SIPA1L2: variants seen among roughly 807,000 people sequenced by gnomAD.
SIPA1L2 encodes the protein signal-induced proliferation-associated 1-like protein 2.
In SIPA1L2, 56 loss-of-function variants were observed where a neutral mutation model predicts 163.9. The observed-to-expected ratio is 0.34, with a 90% CI of 0.28 to 0.43. SIPA1L2 has a LOEUF of 0.43. Among genes scored for constraint, SIPA1L2 ranks in the 20% least tolerant of loss-of-function variants. The pLI is 1.00. For missense variants in SIPA1L2, 1,974 were observed against 2,193.5 expected (o/e 0.90, Z 2.00); for synonymous variants, 877 against 865.7 (o/e 1.01, Z -0.23).
At chr1:232,473,401 C>T (rs975938860) in intron 7 of SIPA1L2, among the ~76,000 whole-genome samples, 1 of 152,214 alleles carries the variant, frequency 6.6e-6, no homozygotes, top group Non-Finnish European at 1.5e-5. Flanking sequence ...GTGAGTTCAG[C>T]GCCTCCTACT....
At chr1:232,486,769 CAG>C (rs1665668231) in intron 5 of SIPA1L2, among the ~76,000 whole-genome samples, 1 of 152,160 alleles carries the variant, frequency 6.6e-6, no homozygotes, top group Non-Finnish European at 1.5e-5. Flanking sequence ...TCTCTCTCAC[CAG>C]AGTCTCTTTC....
At chr1:232,456,560 C>G (rs1663931801) in intron 10 of SIPA1L2, among the ~76,000 whole-genome samples, 1 of 152,172 alleles carries the variant, frequency 6.6e-6, no homozygotes, top group South Asian at 2.1e-4. Flanking sequence ...GACATATTTA[C>G]TAAATTCACT....
chr1:232,491,142 A>G, intron 4 of SIPA1L2, 80 bp from the exon 5 acceptor site: 1 of 1,301,524 alleles, frequency 7.7e-7, no homozygotes, highest in Non-Finnish European at 1.1e-6. Flanking sequence ...GGCTGCCTTA[A>G]GACAGGAAAA....
At chr1:232,461,191 C>A (rs1664218605) in intron 9 of SIPA1L2, 30 bp from the exon 10 acceptor site, 1 of 1,600,276 alleles carries the variant, frequency 6.2e-7, no homozygotes. Flanking sequence ...TTAGAGATGC[C>A]CTTCCTGCCC....
At chr1:232,611,269 G>A (rs1017727669) in intron 1 of SIPA1L2, among the ~76,000 whole-genome samples, 6 of 152,144 alleles carry the variant, frequency 3.9e-5, no homozygotes, top group Non-Finnish European at 8.8e-5. Context: ...TATCAGCAGC[G>A]TGAAAATGGA....
chr1:232,470,062 C>A (rs1664724805), intron 8 of SIPA1L2, among the ~76,000 whole-genome samples: 1 of 152,042 alleles, frequency 6.6e-6, no homozygotes, highest in Non-Finnish European at 1.5e-5. Context: ...TTTTCCCAAT[C>A]CAATTAGGAA....
intron 10 of SIPA1L2, among the ~76,000 whole-genome samples, chr1:232,452,102 C>A (rs1663618103): frequency 6.6e-6 from 1 of 150,832 alleles, no homozygotes; most frequent in Non-Finnish European, 1.5e-5. Flanking sequence ...CTGCTGTATT[C>A]TAAAAACAGT....
intron 4 of SIPA1L2, among the ~76,000 whole-genome samples, chr1:232,492,101 G>A (rs183111816): frequency 6.6e-6 from 1 of 152,180 alleles, no homozygotes; most frequent in Non-Finnish European, 1.5e-5. Flanking sequence ...CTTTAGGAGA[G>A]GGGCTTTATC....
At chr1:232,613,903 A>C (rs539467417) in intron 1 of SIPA1L2, among the ~76,000 whole-genome samples, 1 of 152,318 alleles carries the variant, frequency 6.6e-6, no homozygotes, top group African/African-American at 2.4e-5. Context: ...TTTGAAGCAG[A>C]GTCCAGCAAG....
intron 18 of SIPA1L2, among the ~76,000 whole-genome samples, chr1:232,423,860 C>T (rs114813837): frequency 0.013 from 1,950 of 152,236 alleles, 38 homozygotes; most frequent in African/African-American, 0.044. Flanking sequence ...ATGCTTATTA[C>T]TAAGTAGAAG....
chr1:232,399,058 A>C lies in SIPA1L2; in HGVS notation c.*69T>G, dbSNP rs1180327655. 7 of 1,602,232 alleles carry C rather than the reference A, an allele frequency of 4.4e-6. No homozygotes were observed. Among genetic ancestry groups the C allele is most frequent in the Non-Finnish European group, 4.3e-6 (5 of 1,172,576 alleles). ...CGATTGGTTGAAAGCACACAGAAAA[A>C]CCACATGTTTGTGACTTCAAAGGGA... On this transcript the variant is annotated 3_prime_UTR_variant, in exon 23 of 23. Coordinates refer to ENST00000674635, the MANE Select transcript of SIPA1L2 (RefSeq NM_020808.5).
At chr1:232,626,113 C>T (rs1466516056) in intron 1 of SIPA1L2, among the ~76,000 whole-genome samples, 1 of 151,880 alleles carries the variant, frequency 6.6e-6, no homozygotes, top group Non-Finnish European at 1.5e-5. Context: ...TTTTTTGGTA[C>T]ATCAAAAGGA....
intron 2 of SIPA1L2, among the ~76,000 whole-genome samples, chr1:232,557,165 G>A (rs182976710): frequency 2.4e-4 from 37 of 152,214 alleles, no homozygotes; most frequent in Admixed American, 2.0e-3. Context: ...TTGTGGATCC[G>A]GTCTCATTGC....
chr1:232,546,474 G>T (rs936911380), intron 2 of SIPA1L2, among the ~76,000 whole-genome samples: 2 of 152,140 alleles, frequency 1.3e-5, no homozygotes, highest in African/African-American at 4.8e-5. Context: ...CTGCCCAGCC[G>T]GGCAACCAAT....
chr1:232,520,846 T>C lies in SIPA1L2; in HGVS notation c.-269-5238A>G, dbSNP rs78807041. 7.0e-3 allele frequency among the ~76,000 whole-genome samples: 1,067 copies of C among 152,236 alleles called. 28 individuals carry two copies. In the South Asian group the frequency reaches 0.079, roughly 11 times the overall value. ...GGTGCTGCTCGCACTTGAGGTCTGATCACCTAAAATGCATTTACCAAAAAC... is the reference window on the plus strand; with the variant it reads ...GGTGCTGCTCGCACTTGAGGTCTGACCACCTAAAATGCATTTACCAAAAAC... On this transcript the variant is annotated intron_variant, in intron 2 of 22. Transcript: ENST00000674635.
chr1:232,461,768 C>A (rs1173524411), intron 9 of SIPA1L2, among the ~76,000 whole-genome samples: 1 of 152,220 alleles, frequency 6.6e-6, no homozygotes, highest in African/African-American at 2.4e-5. Flanking sequence ...TTTAGGAAAA[C>A]TCTAAATGTT....
intron 10 of SIPA1L2, among the ~76,000 whole-genome samples, chr1:232,457,348 C>T (rs1040436671): frequency 6.6e-6 from 1 of 152,148 alleles, no homozygotes; most frequent in Non-Finnish European, 1.5e-5. Context: ...CAAAAATGAA[C>T]TGAAGCATTT....
chr1:232,558,877 C>T (rs1191949866), intron 2 of SIPA1L2, among the ~76,000 whole-genome samples: 1 of 152,274 alleles, frequency 6.6e-6, no homozygotes, highest in South Asian at 2.1e-4. Flanking sequence ...TAGTATAAAA[C>T]GATCCTCTCA....
intron 17 of SIPA1L2, among the ~76,000 whole-genome samples, chr1:232,426,651 C>T (rs554828931): frequency 6.6e-6 from 1 of 151,942 alleles, no homozygotes; most frequent in South Asian, 2.1e-4. Flanking sequence ...CAGAGCAAGA[C>T]TCCGTCTTGG....
Sources: gnomAD v4.1 joint callset for allele counts (sites outside exome capture counted in the v4.1 genomes callset) on GRCh38, gnomAD v4.1.1 for gene constraint, MANE v1.5 for transcripts, NCBI Gene and HGNC (gene_info 2026-07-23, HGNC 2026-07-21) for gene names.